The following LSAMP variants were observed in gnomAD, a reference collection of about 807,000 sequenced individuals.
LSAMP encodes the protein limbic system associated membrane protein.
In LSAMP, 7 loss-of-function variants were observed where a neutral mutation model predicts 38.6. The ratio of observed to expected loss-of-function variants is 0.18; its 90% CI spans 0.10 to 0.34. LSAMP has a LOEUF of 0.34. LSAMP is among the 10% of genes least tolerant of loss of function. The probability of loss-of-function intolerance (pLI) is 1.00; values close to 1 mark genes in which losing one functional copy is unlikely to be tolerated. For missense variants in LSAMP, 313 were observed against 420.0 expected (o/e 0.75, Z 2.23); for synonymous variants, 154 against 166.8 (o/e 0.92, Z 0.59).
intron 3 of LSAMP, among the ~76,000 whole-genome samples, chr3:115,897,984 A>T (rs1349580632): frequency 1.3e-5 from 2 of 152,130 alleles, no homozygotes; most frequent in Non-Finnish European, 2.9e-5. Context: ...TTCCACGCTG[A>T]ATTCAAATCT....
intron 2 of LSAMP, among the ~76,000 whole-genome samples, chr3:116,045,281 T>G (rs1380773770): frequency 6.6e-6 from 1 of 152,196 alleles, no homozygotes; most frequent in Non-Finnish European, 1.5e-5. Context: ...TACCAATCAT[T>G]TATTAATTTT....
chr3:115,966,552 C>T (rs925186372), intron 3 of LSAMP, among the ~76,000 whole-genome samples: 4 of 152,136 alleles, frequency 2.6e-5, no homozygotes, highest in Non-Finnish European at 5.9e-5. Flanking sequence ...GAACTTTATC[C>T]TTACATGCAT....
intron 1 of LSAMP, among the ~76,000 whole-genome samples, chr3:116,101,476 T>C (rs535311464): frequency 3.3e-5 from 5 of 152,214 alleles, no homozygotes; most frequent in Non-Finnish European, 7.3e-5. Flanking sequence ...GATGTTTCAA[T>C]ACATATAATG....
At chr3:116,389,294 AT>A (rs199794064) in intron 1 of LSAMP, among the ~76,000 whole-genome samples, 3 of 151,930 alleles carry the variant, frequency 2.0e-5, no homozygotes, top group East Asian at 3.9e-4. Context: ...GCAAAAGATG[AT>A]TTTTTTTTAA....
intron 1 of LSAMP, among the ~76,000 whole-genome samples, chr3:116,350,912 T>G (rs567695542): frequency 6.6e-6 from 1 of 152,120 alleles, no homozygotes; most frequent in East Asian, 1.9e-4. Flanking sequence ...AAGTGCTTGG[T>G]TAAGATGGAA....
chr3:115,938,029 G>A (rs907304631), intron 3 of LSAMP, among the ~76,000 whole-genome samples: 6 of 152,190 alleles, frequency 3.9e-5, no homozygotes, highest in African/African-American at 1.4e-4. Flanking sequence ...TTAAAGGCAA[G>A]TAGCTTAAAA....
chr3:116,417,880 T>A (rs1462428662), intron 1 of LSAMP, among the ~76,000 whole-genome samples: 1 of 152,174 alleles, frequency 6.6e-6, no homozygotes, highest in Non-Finnish European at 1.5e-5. Context: ...GTAGGTCTTA[T>A]GGAGTTCCTG....
intron 1 of LSAMP, among the ~76,000 whole-genome samples, chr3:116,296,230 T>A (rs2047331207): frequency 1.3e-5 from 2 of 152,210 alleles, no homozygotes; most frequent in East Asian, 3.8e-4. Flanking sequence ...TGCTACATTT[T>A]CTGGATTATT....
At chr3:116,327,011 T>C (rs973109808) in intron 1 of LSAMP, among the ~76,000 whole-genome samples, 2 of 152,138 alleles carry the variant, frequency 1.3e-5, no homozygotes, top group Non-Finnish European at 2.9e-5. Context: ...TGAGAGGAGC[T>C]TGTAGTCCCC....
At chr3:116,227,480 T>C (rs1002233734) in intron 1 of LSAMP, among the ~76,000 whole-genome samples, 8 of 152,244 alleles carry the variant, frequency 5.3e-5, no homozygotes. Flanking sequence ...AGTAAACTAA[T>C]ATTTGTTAAA....
chr3:116,395,260 T>A (rs189993050), intron 1 of LSAMP, among the ~76,000 whole-genome samples: 2 of 152,306 alleles, frequency 1.3e-5, no homozygotes, highest in African/African-American at 2.4e-5. Context: ...TTCCCAGTGT[T>A]CACATTAGAT....
In LSAMP at chr3:116,367,456, A is replaced by G. The variant is rs549069291; in HGVS notation, c.155+77421T>C. Among the ~76,000 whole-genome samples the G allele has an allele frequency of 2.0e-5, 3 of 151,040 alleles. No individual in the cohort carries two copies. In the East Asian group the frequency reaches 5.8e-4, roughly 29 times the overall value. On this transcript the variant is annotated intron_variant, in intron 1 of 6. Transcript: ENST00000490035. Reference sequence around the variant, plus strand: ...TGTGTTTCTCTACCTCTAAACAGGTAGAGAATGTTGCTTTCTCTTCTTTAC... The same window carrying G: ...TGTGTTTCTCTACCTCTAAACAGGTGGAGAATGTTGCTTTCTCTTCTTTAC...
chr3:116,444,761 T>A, intron 1 of LSAMP, 116 bp downstream of exon 1: 1 of 1,301,188 alleles, frequency 7.7e-7, no homozygotes. Flanking sequence ...GCCTGCAGCA[T>A]CAGGAGCTGG....
chr3:116,012,954 G>C (rs909513788), intron 3 of LSAMP, among the ~76,000 whole-genome samples: 4 of 152,156 alleles, frequency 2.6e-5, no homozygotes, highest in Admixed American at 2.6e-4. Flanking sequence ...AAAAGTATTT[G>C]AAGGAGTGAG....
chr3:116,230,467 T>C (rs1286576205), intron 1 of LSAMP, among the ~76,000 whole-genome samples: 1 of 152,150 alleles, frequency 6.6e-6, no homozygotes, highest in Non-Finnish European at 1.5e-5. Flanking sequence ...TATTTCAAAA[T>C]TCGATTTCTT....
intron 3 of LSAMP, among the ~76,000 whole-genome samples, chr3:115,860,760 A>G (rs1221970650): frequency 6.6e-6 from 1 of 152,212 alleles, no homozygotes; most frequent in African/African-American, 2.4e-5. Context: ...ACTTAGTACT[A>G]GAGAAGATTT....
chr3:116,022,674 C>G (rs1215060897), intron 2 of LSAMP, among the ~76,000 whole-genome samples: 1 of 152,160 alleles, frequency 6.6e-6, no homozygotes, highest in Non-Finnish European at 1.5e-5. Context: ...CCTTAACTAT[C>G]TGTATTTAAG....
In LSAMP at chr3:115,943,182, T is replaced by A. The variant is rs149464262; in HGVS notation, c.514+76333A>T. Among the ~76,000 whole-genome samples, 250 of 152,296 alleles carry A rather than the reference T, an allele frequency of 1.6e-3. 1 individual carries two copies. Among genetic ancestry groups the A allele is most frequent in the Middle Eastern group, 6.8e-3 (2 of 294 alleles). ...CCCTGTGGTACAGCCAATGAGCTAGTTAGGCAGCAGCACTGGACTCGTGTC... is the reference window on the plus strand; with the variant it reads ...CCCTGTGGTACAGCCAATGAGCTAGATAGGCAGCAGCACTGGACTCGTGTC... On this transcript the variant is annotated intron_variant, in intron 3 of 6. Transcript: ENST00000490035.
chr3:115,957,336 T>C (rs1197276259), intron 3 of LSAMP, among the ~76,000 whole-genome samples: 2 of 152,156 alleles, frequency 1.3e-5, no homozygotes, highest in African/African-American at 4.8e-5. Context: ...AGCCTGTTTG[T>C]TTCGGAAACT....
Sources: gnomAD v4.1 joint callset for allele counts (sites outside exome capture counted in the v4.1 genomes callset) on GRCh38, gnomAD v4.1.1 for gene constraint, MANE v1.5 for transcripts, NCBI Gene and HGNC (gene_info 2026-07-23, HGNC 2026-07-21) for gene names.